NCAPD2: variants seen among roughly 807,000 people sequenced by gnomAD.
NCAPD2 encodes non-SMC condensin I complex subunit D2.
In NCAPD2, 100 loss-of-function variants were observed where a neutral mutation model predicts 164.5. The observed-to-expected ratio is 0.61, with a 90% CI of 0.52 to 0.72. The LOEUF is 0.72. Among genes scored for constraint, NCAPD2 ranks in the 30% least tolerant of loss-of-function variants. NCAPD2 has a pLI of 0.00. For missense variants in NCAPD2, 1,560 were observed against 1,749.2 expected, an observed-to-expected ratio of 0.89 and a Z score of 1.93; for synonymous variants, 585 against 642.6, an observed-to-expected ratio of 0.91 and a Z score of 1.36.
At chr12:6,504,917 T>A (rs1946085223) in intron 2 of NCAPD2, among the ~76,000 whole-genome samples, 2 of 152,162 alleles carry the variant, frequency 1.3e-5, no homozygotes, top group Admixed American at 6.5e-5. Flanking sequence ...TCTTGTAATG[T>A]CATGACTCTT....
chr12:6,504,206 T>TATACACACATATATAC (rs1946073657), intron 2 of NCAPD2, among the ~76,000 whole-genome samples: 2 of 25,240 alleles, frequency 7.9e-5, no homozygotes, highest in Admixed American at 5.2e-4. Context: ...TATATATATA[T>TATACACACATATATAC]ATATATATAT....
At position 6,514,901 on chromosome 12, in the gene NCAPD2, T is replaced by A; in HGVS notation, c.968T>A (p.Leu323Gln). Residue 323 changes from leucine to glutamine, a missense_variant, in exon 9 of 32, where the codon CTA (leucine) becomes CAA (glutamine). By Grantham distance (113) the Leu-to-Gln change is moderately radical. Transcript: ENST00000315579. ...CTGATGTCCAGCATGTGCATTTTGC[T>A]AGATCACCTGGATGGAGAAGTAGGT... ...AILMSSMCIL[L>Q]DHLDGENYMM... is the part of the protein sequence containing the mutation. The A allele has an allele frequency of 6.2e-7, 1 of 1,614,232 alleles. No individual in the cohort carries two copies. The highest frequency in any genetic ancestry group is 8.5e-7 in the Non-Finnish European group (1 of 1,180,038).
chr12:6,494,850 A>AG (rs1945961002), intron 1 of NCAPD2, among the ~76,000 whole-genome samples: 1 of 152,212 alleles, frequency 6.6e-6, no homozygotes, highest in African/African-American at 2.4e-5. Flanking sequence ...ATTAGTTTCT[A>AG]GTCCAGGGTC....
In NCAPD2 at chr12:6,510,078, C is replaced by T; in HGVS notation, c.207C>T (p.His69=). ...CCACACTTTCTTTCCCTCATAGTCACTTTCGAAGTATAGATCCTGGCCTCA... is the reference window on the plus strand; with the variant it reads ...CCACACTTTCTTTCCCTCATAGTCATTTTCGAAGTATAGATCCTGGCCTCA... ...HFDTIYSILH[H]FRSIDPGLKE... is the part of the protein sequence containing the mutation. The change falls in exon 4 of 32, where the codon CAC becomes CAT. Residue 69 remains histidine, a synonymous_variant. Transcript: ENST00000315579. 1.2e-6 allele frequency: 2 copies of T among 1,613,090 alleles called. No individual in the cohort carries two copies. The highest frequency in any genetic ancestry group is 1.7e-6 in the Non-Finnish European group (2 of 1,179,026).
chr12:6,499,554 AT>A (rs374311872), intron 2 of NCAPD2, among the ~76,000 whole-genome samples: 2 of 151,800 alleles, frequency 1.3e-5, no homozygotes, highest in African/African-American at 2.4e-5. Flanking sequence ...CATCCAGCTA[AT>A]TTTTTTTGTA....
In NCAPD2 at chr12:6,523,312, C is replaced by T. The variant is rs768963981; in HGVS notation, c.2180C>T (p.Ala727Val). The change falls in exon 17 of 32, where the codon GCC becomes GTC. Residue 727 changes from alanine to valine, a missense_variant. Physicochemically the swap from Ala to Val is moderately conservative, Grantham distance 64. Coordinates refer to ENST00000315579, the MANE Select transcript of NCAPD2 (RefSeq NM_014865.4). ...IQNLSLLLVD[A>V]SVGTIQCLEE... ...AATCTCTCTCTGCTGCTAGTGGATG[C>T]CTCGGTTGGGACCATTCAGTGTCTT... 1.9e-6 allele frequency: 3 copies of T among 1,613,998 alleles called. No individual in the cohort carries two copies. Among genetic ancestry groups the T allele is most frequent in the Non-Finnish European group, 2.5e-6 (3 of 1,179,984 alleles).
intron 9 of NCAPD2, among the ~76,000 whole-genome samples, chr12:6,515,328 G>A (rs889909846): frequency 5.9e-5 from 9 of 151,984 alleles, no homozygotes; most frequent in African/African-American, 1.9e-4. Context: ...GGGACTTCAG[G>A]CACATACTAC....
At chr12:6,529,134 A>G (rs1432355648) in intron 27 of NCAPD2, 95 bp downstream of exon 27, 10 of 1,129,908 alleles carry the variant, frequency 8.9e-6, no homozygotes, top group Non-Finnish European at 1.3e-5. Context: ...GCTACTCTTT[A>G]GCTGTACAGC....
chr12:6,524,213 T>C (rs1014992180), intron 17 of NCAPD2, among the ~76,000 whole-genome samples: 3 of 152,184 alleles, frequency 2.0e-5, no homozygotes, highest in Non-Finnish European at 4.4e-5. Flanking sequence ...CTGAAGGTGG[T>C]AGGACTTAAG....
chr12:6,498,743 A>C (rs1166430879), intron 2 of NCAPD2, among the ~76,000 whole-genome samples: 1 of 151,428 alleles, frequency 6.6e-6, no homozygotes, highest in African/African-American at 2.4e-5. Flanking sequence ...GAGTAGCCGG[A>C]ACTACAGGCG....
In NCAPD2 at chr12:6,514,357, T is replaced by C; in HGVS notation, c.680T>C (p.Leu227Pro). 6.2e-7 allele frequency: 1 copy of C among 1,614,214 alleles called. No individual in the cohort carries two copies. The highest frequency in any genetic ancestry group is 1.7e-5 in the Admixed American group (1 of 60,028). The change falls in exon 7 of 32, where the codon CTT becomes CCT. Residue 227 changes from leucine to proline, a missense_variant. Physicochemically the swap from Leu to Pro is moderately conservative, Grantham distance 98. Coordinates refer to ENST00000315579, the MANE Select transcript of NCAPD2 (RefSeq NM_014865.4). ...RPTREAITHL[L>P]GVALTRYNHM... The stretch of plus-strand genomic sequence containing the variant: ...ACTCGGGAAGCCATAACACACCTGC[T>C]TGGTGTAGCCTTGACCCGTTATAAC...
intron 2 of NCAPD2, among the ~76,000 whole-genome samples, chr12:6,496,054 T>C (rs12828144): frequency 1.5e-5 from 2 of 130,152 alleles, no homozygotes; most frequent in South Asian, 2.2e-4. Flanking sequence ...CTTCTTTTTG[T>C]TTTTCTTTTT....
chr12:6,526,354 G>A lies in NCAPD2; in HGVS notation c.2549G>A (p.Arg850Gln), dbSNP rs771352876. Residue 850 changes from arginine to glutamine, a missense_variant, in exon 20 of 32, where the codon CGG becomes CAG. Coordinates refer to ENST00000315579, the MANE Select transcript of NCAPD2 (RefSeq NM_014865.4). The stretch of plus-strand genomic sequence containing the variant: ...GAACACAGGTTGTTTGAGCGACTGC[G>A]GGAGACAGTCACAAAAGGTGAGCTC... ...PQEHRLFERL[R>Q]ETVTKGFVHP... is the part of the protein sequence containing the mutation. 103 of 1,614,008 alleles carry A rather than the reference G, an allele frequency of 6.4e-5. No individual in the cohort carries two copies. In the South Asian group the frequency reaches 1.1e-3, roughly 17 times the overall value.
At chr12:6,515,001 A>G (rs1946185700) in intron 9 of NCAPD2, 81 bp downstream of exon 9, 1 of 1,465,960 alleles carries the variant, frequency 6.8e-7, no homozygotes, top group East Asian at 2.3e-5. Flanking sequence ...TAACAGAACA[A>G]GAAAGTAGCT....
chr12:6,523,093 C>T lies in NCAPD2; in HGVS notation c.2129+91C>T, dbSNP rs1565545622. The T allele has an allele frequency of 4.6e-6, 7 of 1,525,234 alleles. No homozygotes were observed. In the East Asian group the frequency reaches 9.1e-5, roughly 20 times the overall value. The allele number at this position is 1,525,234 out of a possible 1,614,324, so 94.5% of individuals were successfully genotyped here. The stretch of plus-strand genomic sequence containing the variant: ...CTCCTAAAGGAAGAGGTGCATTTCT[C>T]CAGGGGAGTTCCAGATCCATAGGCA... On this transcript the variant is annotated intron_variant, in intron 16 of 31. Transcript: ENST00000315579.
At chr12:6,526,754 G>C in intron 21 of NCAPD2, 137 bp from the exon 22 acceptor site, 1 of 1,423,724 alleles carries the variant, frequency 7.0e-7, no homozygotes. Context: ...AGTTGGGCCA[G>C]TTCCCACCCC....
chr12:6,512,272 C>CAA (rs35978725), intron 6 of NCAPD2, among the ~76,000 whole-genome samples: 13 of 87,340 alleles, frequency 1.5e-4, no homozygotes, highest in East Asian at 3.2e-4. Flanking sequence ...ACTCCATCTC[C>CAA]AAAAAAAAAA....
At chr12:6,498,762 C>T (rs776663943) in intron 2 of NCAPD2, among the ~76,000 whole-genome samples, 4 of 148,328 alleles carry the variant, frequency 2.7e-5, no homozygotes, top group African/African-American at 9.8e-5. Context: ...CGTGAGCCAC[C>T]GCACCCAGCT....
chr12:6,524,776 A>G (rs910019045), intron 17 of NCAPD2, among the ~76,000 whole-genome samples: 4 of 152,152 alleles, frequency 2.6e-5, no homozygotes, highest in Non-Finnish European at 4.4e-5. Flanking sequence ...CCAGGCACCC[A>G]GCATTTTAGT....
Sources: gnomAD v4.1 joint callset for allele counts (sites outside exome capture counted in the v4.1 genomes callset) on GRCh38, gnomAD v4.1.1 for gene constraint, MANE v1.5 for transcripts, NCBI Gene and HGNC (gene_info 2026-07-23, HGNC 2026-07-21) for gene names.